DOCK3: variants seen among roughly 807,000 people sequenced by gnomAD.
DOCK3 encodes dedicator of cytokinesis 3, also known as dedicator of cytokinesis protein 3.
In DOCK3, 60 loss-of-function variants were observed where a neutral mutation model predicts 265.6. The ratio of observed to expected loss-of-function variants is 0.23; its 90% CI spans 0.18 to 0.28. The LOEUF (loss-of-function observed/expected upper bound fraction) is 0.28, where lower values mean the gene tolerates loss of function less well. Ranked by LOEUF, DOCK3 falls within the 10% of genes least tolerant of loss-of-function variation. The probability of loss-of-function intolerance (pLI) is 1.00; values close to 1 mark genes in which losing one functional copy is unlikely to be tolerated. For missense variants in DOCK3, 1,981 were observed against 2,594.3 expected, an observed-to-expected ratio of 0.76 and a Z score of 5.14; for synonymous variants, 881 against 938.0, an observed-to-expected ratio of 0.94 and a Z score of 1.11.
At chr3:51,334,950 G>A (rs1413655426) in intron 35 of DOCK3, among the ~76,000 whole-genome samples, 1 of 152,020 alleles carries the variant, frequency 6.6e-6, no homozygotes, top group East Asian at 1.9e-4. Flanking sequence ...CTTTAATATG[G>A]CATCACTGGC....
At chr3:50,812,457 C>T (rs569762816) in intron 2 of DOCK3, among the ~76,000 whole-genome samples, 1 of 152,262 alleles carries the variant, frequency 6.6e-6, no homozygotes, top group South Asian at 2.1e-4. Flanking sequence ...CTATGGAAAA[C>T]CCAGACTAAT....
intron 5 of DOCK3, among the ~76,000 whole-genome samples, chr3:51,009,748 G>A (rs2078864389): frequency 6.6e-6 from 1 of 151,984 alleles, no homozygotes; most frequent in Non-Finnish European, 1.5e-5. Flanking sequence ...TTCTTTTGTG[G>A]GCATTTAGTG....
At chr3:51,232,632 G>A (rs192971188) in intron 19 of DOCK3, among the ~76,000 whole-genome samples, 1 of 152,124 alleles carries the variant, frequency 6.6e-6, no homozygotes, top group South Asian at 2.1e-4. Flanking sequence ...ATTAATGATG[G>A]TGAACATTTT....
Position 51,359,683 on chromosome 3 carries a change from C to T in DOCK3, c.4885-828C>T, listed in dbSNP as rs936081633. 6.6e-6 allele frequency among the ~76,000 whole-genome samples: 1 copy of T among 152,226 alleles called. No individual in the cohort carries two copies. The highest frequency in any genetic ancestry group is 1.5e-5 in the Non-Finnish European group (1 of 68,042). On this transcript the variant is annotated intron_variant, in intron 46 of 52. Coordinates refer to ENST00000266037, the MANE Select transcript of DOCK3 (RefSeq NM_004947.5). This position sits in a 1 kb window ranked among gnomAD's most constrained non-coding sequence, Gnocchi z 4.8. ...ACAAAACACTTTCCTATATACATCA[C>T]GTTCTTCCGTGTGCACACATAGCCT...
At chr3:50,895,339 G>A (rs1329581553) in intron 4 of DOCK3, among the ~76,000 whole-genome samples, 2 of 148,238 alleles carry the variant, frequency 1.3e-5, no homozygotes, top group African/African-American at 5.0e-5. Context: ...TTGCTGCACA[G>A]ATCACCCATC....
chr3:51,038,274 A>G (rs992958315), intron 5 of DOCK3, among the ~76,000 whole-genome samples: 2 of 152,230 alleles, frequency 1.3e-5, no homozygotes, highest in Admixed American at 6.5e-5. Context: ...GGATCTAGGC[A>G]AGAGATAACT....
At chr3:51,269,194 T>C (rs2108858042) in intron 23 of DOCK3, among the ~76,000 whole-genome samples, 1 of 148,276 alleles carries the variant, frequency 6.7e-6, no homozygotes, top group East Asian at 1.9e-4. Flanking sequence ...TATACATATA[T>C]ATGCATATAT....
At chr3:50,868,906 T>G (rs908223542) in intron 3 of DOCK3, among the ~76,000 whole-genome samples, 13 of 141,066 alleles carry the variant, frequency 9.2e-5, no homozygotes, top group Non-Finnish European at 1.7e-4. Flanking sequence ...AATCTGTTTT[T>G]TTTTTTTTTT....
intron 22 of DOCK3, among the ~76,000 whole-genome samples, chr3:51,259,404 T>A (rs1210438037): frequency 1.3e-5 from 2 of 152,242 alleles, no homozygotes; most frequent in Non-Finnish European, 2.9e-5. Flanking sequence ...ATTTTTTTTT[T>A]ATTAGAAAAC....
intron 9 of DOCK3, among the ~76,000 whole-genome samples, chr3:51,118,798 ATT>A (rs564429211): frequency 7.0e-6 from 1 of 143,884 alleles, no homozygotes; most frequent in African/African-American, 2.5e-5. Flanking sequence ...ATTACAACCC[ATT>A]TTTTTTTTTG....
At chr3:50,970,439 T>G (rs1019455839) in intron 5 of DOCK3, among the ~76,000 whole-genome samples, 5 of 152,176 alleles carry the variant, frequency 3.3e-5, no homozygotes, top group African/African-American at 7.2e-5. Flanking sequence ...CACATAGGTT[T>G]GGATATATTA....
chr3:50,824,127 C>T (rs2044619402), intron 2 of DOCK3, among the ~76,000 whole-genome samples: 1 of 152,086 alleles, frequency 6.6e-6, no homozygotes, highest in African/African-American at 2.4e-5. Flanking sequence ...GAGCCATTTA[C>T]AAATTCTGTT....
At chr3:50,909,509 A>AT (rs1264317145) in intron 4 of DOCK3, among the ~76,000 whole-genome samples, 5 of 151,882 alleles carry the variant, frequency 3.3e-5, no homozygotes, top group Non-Finnish European at 5.9e-5. Context: ...TGGGTTGGAA[A>AT]TTTTTTTAAG....
intron 2 of DOCK3, among the ~76,000 whole-genome samples, chr3:50,799,662 G>C (rs1466083208): frequency 2.0e-5 from 3 of 152,124 alleles, no homozygotes; most frequent in Non-Finnish European, 4.4e-5. Flanking sequence ...AACAGGGACA[G>C]TTTGGCTTTC....
chr3:51,094,732 ACTAGTT>A lies in DOCK3; in HGVS notation c.746+4351_746+4356del, dbSNP rs1392884565. The stretch of plus-strand genomic sequence containing the variant: ...TTTTGAATTTGCTTGGTCTTGCTTT[ACTAGTT>A]CTTTTAATTGTGATGTTAGGGCATA... On this transcript the variant is annotated intron_variant, in intron 9 of 52. Coordinates refer to ENST00000266037, the MANE Select transcript of DOCK3 (RefSeq NM_004947.5). Among the ~76,000 whole-genome samples, 3 of 150,890 alleles carry A rather than the reference ACTAGTT, an allele frequency of 2.0e-5. No homozygotes were observed. The East Asian group carries it at 5.9e-4, about 30-fold the overall frequency.
In DOCK3 at chr3:50,821,148, T is replaced by C. The variant is rs1307033135; in HGVS notation, c.122-20527T>C. Among the ~76,000 whole-genome samples, 5 of 121,054 alleles carry C rather than the reference T, an allele frequency of 4.1e-5. No homozygotes were observed. In the East Asian group the frequency reaches 1.1e-3, roughly 26 times the overall value. 79.4% of individuals were successfully genotyped at this position (121,054 alleles called of 152,430 possible). On this transcript the variant is annotated intron_variant, in intron 2 of 52. Transcript: ENST00000266037. ...TTCTTTCTTTCTTTTTTCTTTTTTT[T>C]TTTTTTTTTTGCTGTGCAGAAGAAG...
At chr3:50,984,745 G>C (rs1165983232) in intron 5 of DOCK3, among the ~76,000 whole-genome samples, 2 of 152,140 alleles carry the variant, frequency 1.3e-5, no homozygotes, top group Non-Finnish European at 2.9e-5. Context: ...CATGGGTTCT[G>C]TATCTGAGGA....
chr3:50,910,585 G>A (rs1238778088), intron 4 of DOCK3, among the ~76,000 whole-genome samples: 1 of 152,160 alleles, frequency 6.6e-6, no homozygotes, highest in Non-Finnish European at 1.5e-5. Context: ...GGTGCCTACT[G>A]CTGGGGTGTA....
intron 9 of DOCK3, among the ~76,000 whole-genome samples, chr3:51,122,836 A>T (rs1471847061): frequency 6.6e-6 from 1 of 152,238 alleles, no homozygotes; most frequent in African/African-American, 2.4e-5. Context: ...ATATGAGGAC[A>T]TAGAGATAGA....
Sources: gnomAD v4.1 joint callset for allele counts (sites outside exome capture counted in the v4.1 genomes callset) on GRCh38, gnomAD v4.1.1 for gene constraint, Gnocchi (gnomAD v3.1) non-coding constraint, MANE v1.5 for transcripts, NCBI Gene and HGNC (gene_info 2026-07-23, HGNC 2026-07-21) for gene names.